The following HDAC4 variants were observed in gnomAD, a reference collection of about 807,000 sequenced individuals.
HDAC4 encodes the protein histone deacetylase 4, also known as histone deacetylase A.
HDAC4 carries 16 observed loss-of-function variants against 135.1 expected under a neutral mutation model. That is an observed-to-expected ratio of 0.12 (90% CI 0.08 to 0.18). The LOEUF is 0.18. Among genes scored for constraint, HDAC4 ranks in the 10% least tolerant of loss-of-function variants. The pLI is 1.00. For missense variants in HDAC4, 1,143 were observed against 1,511.8 expected (o/e 0.76, Z 4.05); for synonymous variants, 685 against 653.4 (o/e 1.05, Z -0.74).
intron 2 of HDAC4, among the ~76,000 whole-genome samples, chr2:239,345,863 C>T (rs567227631): frequency 6.7e-6 from 1 of 149,354 alleles, no homozygotes; most frequent in East Asian, 2.0e-4. Context: ...CAAACACACA[C>T]ACCCTAACAC....
At chr2:239,088,349 C>T (rs969171500) in intron 18 of HDAC4, among the ~76,000 whole-genome samples, 2 of 152,206 alleles carry the variant, frequency 1.3e-5, no homozygotes, top group African/African-American at 2.4e-5. Flanking sequence ...ATGCCATGGA[C>T]GGGGTGAGCC....
intron 2 of HDAC4, among the ~76,000 whole-genome samples, chr2:239,294,762 C>T (rs112204748): frequency 5.3e-5 from 8 of 152,280 alleles, no homozygotes; most frequent in South Asian, 2.1e-4. Flanking sequence ...AGGAGCTCAG[C>T]GTCTCAGCTT....
intron 12 of HDAC4, among the ~76,000 whole-genome samples, chr2:239,123,065 AAATC>A (rs1434393946): frequency 1.3e-5 from 2 of 152,356 alleles, no homozygotes; most frequent in East Asian, 3.9e-4. Context: ...TCACTCCCGT[AAATC>A]AATCAGAGAA....
At chr2:239,124,739 G>GTGTGGCCGCA (rs2040019150) in intron 12 of HDAC4, among the ~76,000 whole-genome samples, 1 of 129,366 alleles carries the variant, frequency 7.7e-6, no homozygotes. Flanking sequence ...GTGTGGCTGC[G>GTGTGGCCGCA]TTATATGACA....
chr2:239,305,678 T>A (rs563214875), intron 2 of HDAC4: 8 of 152,548 alleles, frequency 5.2e-5, no homozygotes, highest in South Asian at 4.1e-4. Flanking sequence ...TTAATCATGT[T>A]CACATTATTG....
intron 2 of HDAC4, among the ~76,000 whole-genome samples, chr2:239,315,454 G>C (rs997224425): frequency 2.6e-5 from 4 of 152,210 alleles, no homozygotes; most frequent in African/African-American, 9.6e-5. Context: ...CAATGCCGAT[G>C]CACGAGCGCT....
intron 2 of HDAC4, among the ~76,000 whole-genome samples, chr2:239,261,760 G>C (rs2049381184): frequency 6.6e-6 from 1 of 152,004 alleles, no homozygotes; most frequent in African/African-American, 2.4e-5. Context: ...CAGTGGGCTG[G>C]TCCACTCTTA....
intron 12 of HDAC4, 144 bp downstream of exon 12, chr2:239,126,312 G>T: frequency 1.5e-6 from 2 of 1,361,826 alleles, no homozygotes; most frequent in Non-Finnish European, 2.0e-6. Flanking sequence ...TGTGCTGTGG[G>T]CCAGAGCATG....
intron 5 of HDAC4, among the ~76,000 whole-genome samples, chr2:239,171,086 T>A (rs1046855556): frequency 3.4e-5 from 5 of 146,214 alleles, no homozygotes; most frequent in Non-Finnish European, 5.9e-5. Flanking sequence ...TGTGTCACCA[T>A]CCCAGGTCCC....
At chr2:239,067,039 T>G (rs1574888533) in intron 23 of HDAC4, 184 bp from the exon 24 acceptor site, 1 of 692,446 alleles carries the variant, frequency 1.4e-6, no homozygotes, top group South Asian at 1.8e-5. Context: ...CTTTGATCTG[T>G]TTGAGAGGAG....
In HDAC4 at chr2:239,068,763, G is replaced by C; in HGVS notation, c.2751-156C>G. The C allele has an allele frequency of 2.8e-6, 2 of 720,886 alleles. No individual in the cohort carries two copies. The highest frequency in any genetic ancestry group is 1.4e-5 in the South Asian group (1 of 69,194). The allele number at this position is 720,886 out of a possible 1,614,324, so 44.7% of individuals were successfully genotyped here. A position where few individuals can be genotyped will look rare whatever the true frequency, so the allele number is the denominator to read the frequency against. ...TCCACACAGCAGGCTGGAATCTGGC[G>C]ACCACGCTTAATTAGAAGGGAATCA... On this transcript the variant is annotated intron_variant, in intron 22 of 26. Transcript: ENST00000543185. This position sits in a 1 kb window ranked among gnomAD's most constrained non-coding sequence, Gnocchi z 4.4.
chr2:239,314,739 T>C (rs1444565081), intron 2 of HDAC4, among the ~76,000 whole-genome samples: 3 of 152,080 alleles, frequency 2.0e-5, no homozygotes, highest in African/African-American at 2.4e-5. Flanking sequence ...GGTAAAGAGA[T>C]AGAAAGCTGG....
chr2:239,282,221 C>T (rs1430505949), intron 2 of HDAC4, among the ~76,000 whole-genome samples: 3 of 124,976 alleles, frequency 2.4e-5, no homozygotes, highest in African/African-American at 9.9e-5. Context: ...CACCTCTCTA[C>T]ACAATGTACA....
chr2:239,061,444 CTGTG>C (rs753004409), intron 24 of HDAC4, among the ~76,000 whole-genome samples: 1 of 144,458 alleles, frequency 6.9e-6, no homozygotes, highest in African/African-American at 2.6e-5. Flanking sequence ...TGACTGGTGC[CTGTG>C]TGGGTGTGCG....
intron 12 of HDAC4, among the ~76,000 whole-genome samples, chr2:239,123,978 C>T (rs1031673949): frequency 6.6e-6 from 1 of 151,108 alleles, no homozygotes; most frequent in Non-Finnish European, 1.5e-5. Context: ...AACCCAGGAC[C>T]GGTCCTGAAA....
intron 14 of HDAC4, among the ~76,000 whole-genome samples, chr2:239,110,924 G>C (rs1329731933): frequency 6.6e-6 from 1 of 152,202 alleles, no homozygotes; most frequent in African/African-American, 2.4e-5. Flanking sequence ...TGCCTCCTCA[G>C]CCGTGGTGGA....
In HDAC4 at chr2:239,262,270, A is replaced by G. The variant is rs769165634; in HGVS notation, c.23-25606T>C. Among the ~76,000 whole-genome samples, 15 of 152,166 alleles carry G rather than the reference A, an allele frequency of 9.9e-5. No individual in the cohort carries two copies. Among genetic ancestry groups the G allele is most frequent in the Admixed American group, 1.3e-4 (2 of 15,286 alleles). On this transcript the variant is annotated intron_variant, in intron 2 of 26. Coordinates refer to ENST00000543185, the MANE Select transcript of HDAC4 (RefSeq NM_001378414.1). This position sits in a 1 kb window ranked among gnomAD's most constrained non-coding sequence, Gnocchi z 4.1. ...CTAAATTTCTGTGATGTGAGATAAAATTTTAGTGGGATTACAGAAACCTTG... is the reference window on the plus strand; with the variant it reads ...CTAAATTTCTGTGATGTGAGATAAAGTTTTAGTGGGATTACAGAAACCTTG...
At chr2:239,374,670 TG>T (rs1694879813) in intron 1 of HDAC4, among the ~76,000 whole-genome samples, 1 of 152,138 alleles carries the variant, frequency 6.6e-6, no homozygotes, top group African/African-American at 2.4e-5. Flanking sequence ...CCCAAAGTGC[TG>T]GGATTACAGG....
intron 1 of HDAC4, among the ~76,000 whole-genome samples, chr2:239,372,845 T>C (rs1346025072): frequency 6.6e-6 from 1 of 152,102 alleles, no homozygotes; most frequent in East Asian, 1.9e-4. Context: ...CATGTGCACA[T>C]ATGTACACAT....
Sources: allele counts gnomAD v4.1 joint callset (sites outside exome capture counted in the v4.1 genomes callset), GRCh38; gene constraint gnomAD v4.1.1; non-coding constraint Gnocchi (gnomAD v3.1); transcripts MANE v1.5; gene names NCBI Gene and HGNC (gene_info 2026-07-23, HGNC 2026-07-21).